The following CAV1 variants were observed in gnomAD, a reference collection of about 807,000 sequenced individuals.
CAV1 encodes the protein caveolin-1.
A neutral mutation model predicts 16.5 loss-of-function variants in CAV1; 10 were observed. The observed-to-expected ratio is 0.61, with a 90% CI of 0.37 to 1.03. The LOEUF (loss-of-function observed/expected upper bound fraction) is 1.03, where lower values mean the gene tolerates loss of function less well. Ranked by LOEUF, CAV1 falls within the 50% of genes least tolerant of loss-of-function variation. CAV1 has a pLI of 0.01. For synonymous variants in CAV1, 76 were observed against 85.1 expected (o/e 0.89, Z 0.59); for missense variants, 212 against 232.8 (o/e 0.91, Z 0.58).
intron 2 of CAV1, among the ~76,000 whole-genome samples, chr7:116,535,373 T>C (rs1793788742): frequency 6.6e-6 from 1 of 152,202 alleles, no homozygotes; most frequent in South Asian, 2.1e-4. Flanking sequence ...AACTGCACCC[T>C]AACTTAAAGA....
At chr7:116,551,215 TC>T in intron 2 of CAV1, among the ~76,000 whole-genome samples, 1 of 152,172 alleles carries the variant, frequency 6.6e-6, no homozygotes, top group Non-Finnish European at 1.5e-5. Context: ...CACCAGGTGA[TC>T]CTTTTGCTGA....
intron 2 of CAV1, among the ~76,000 whole-genome samples, chr7:116,555,439 CA>C (rs1168255721): frequency 8.2e-6 from 1 of 122,558 alleles, no homozygotes; most frequent in East Asian, 2.3e-4. Flanking sequence ...AACCTGTCTC[CA>C]AAAAAAGAAA....
chr7:116,553,855 T>A (rs1794211981), intron 2 of CAV1, among the ~76,000 whole-genome samples: 1 of 152,148 alleles, frequency 6.6e-6, no homozygotes, highest in Non-Finnish European at 1.5e-5. Context: ...GGCATCATCA[T>A]CCACTCAACA....
intron 2 of CAV1, among the ~76,000 whole-genome samples, chr7:116,535,852 C>A (rs1044962105): frequency 3.3e-5 from 5 of 152,148 alleles, no homozygotes; most frequent in African/African-American, 1.2e-4. Flanking sequence ...CTTTAACCAT[C>A]ATTAGTTGGG....
intron 2 of CAV1, among the ~76,000 whole-genome samples, chr7:116,531,261 A>G (rs534422949): frequency 6.0e-4 from 91 of 152,366 alleles, no homozygotes; most frequent in Middle Eastern, 3.4e-3. Flanking sequence ...ATGTGTTTAG[A>G]TGATTCTGTT....
intron 2 of CAV1, among the ~76,000 whole-genome samples, chr7:116,554,777 A>G (rs1208995403): frequency 6.6e-6 from 1 of 152,224 alleles, no homozygotes; most frequent in Non-Finnish European, 1.5e-5. Flanking sequence ...AAGTGGAAAC[A>G]TTAACAAGAG....
intron 2 of CAV1, among the ~76,000 whole-genome samples, chr7:116,550,831 C>G (rs1294192517): frequency 6.6e-6 from 1 of 152,056 alleles, no homozygotes; most frequent in African/African-American, 2.4e-5. Flanking sequence ...TTTCTATTGT[C>G]CATTTGTGTG....
chr7:116,558,860 A>G, intron 2 of CAV1, 86 bp from the exon 3 acceptor site: 1 of 976,382 alleles, frequency 1.0e-6, no homozygotes, highest in South Asian at 1.4e-5. Flanking sequence ...ATGCTAATAC[A>G]GTATATGTCT....
chr7:116,528,629 A>G (rs1169269000), intron 2 of CAV1, among the ~76,000 whole-genome samples: 1 of 152,100 alleles, frequency 6.6e-6, no homozygotes, highest in African/African-American at 2.4e-5. Context: ...ATTCTGCCCA[A>G]AGAGTGCCTG....
At chr7:116,546,538 A>AT (rs1056750375) in intron 2 of CAV1, among the ~76,000 whole-genome samples, 96 of 151,978 alleles carry the variant, frequency 6.3e-4, no homozygotes, top group Non-Finnish European at 1.1e-3. Flanking sequence ...AAAAATAAAA[A>AT]AAAAAAAAAT....
intron 2 of CAV1, among the ~76,000 whole-genome samples, chr7:116,533,722 CA>C (rs1397266649): frequency 1.3e-5 from 2 of 152,134 alleles, no homozygotes; most frequent in African/African-American, 4.8e-5. Flanking sequence ...ATTCCTTTAC[CA>C]AATTCTACTG....
At chr7:116,525,909 C>A in intron 1 of CAV1, 1 of 900,196 alleles carries the variant, frequency 1.1e-6, no homozygotes, top group Non-Finnish European at 1.3e-6. Context: ...CAGGGAGAGC[C>A]GTGGAGGGAC....
At chr7:116,551,819 T>A (rs1305070543) in intron 2 of CAV1, 1 of 152,306 alleles carries the variant, frequency 6.6e-6, no homozygotes, top group East Asian at 1.9e-4. Context: ...GAAAGATCCA[T>A]GTCTAAGCTC....
Position 116,526,580 on chromosome 7 carries a change from A to G in CAV1, c.86A>G (p.Asn29Ser), listed in dbSNP as rs1269711568. Residue 29 changes from asparagine (N) to serine (S), a missense_variant, in exon 2 of 3, where the codon AAC (asparagine) becomes AGC (serine). By Grantham distance (46) the Asn-to-Ser change is conservative. Coordinates refer to ENST00000341049, the MANE Select transcript of CAV1 (RefSeq NM_001753.5). The part of the protein sequence containing the change: ...REQGNIYKPN[N>S]KAMADELSEK... ...CAGGGCAACATCTACAAGCCCAACA[A>G]CAAGGCCATGGCAGACGAGCTGAGC... 2 of 1,613,962 alleles carry G rather than the reference A, an allele frequency of 1.2e-6. No individual in the cohort carries two copies. Among genetic ancestry groups the G allele is most frequent in the Non-Finnish European group, 1.7e-6 (2 of 1,180,024 alleles).
At chr7:116,532,983 A>C (rs1237634267) in intron 2 of CAV1, among the ~76,000 whole-genome samples, 1 of 152,162 alleles carries the variant, frequency 6.6e-6, no homozygotes, top group Non-Finnish European at 1.5e-5. Flanking sequence ...TATCTTCCTC[A>C]GTAGTCCACG....
intron 2 of CAV1, among the ~76,000 whole-genome samples, chr7:116,545,053 C>A (rs1794012988): frequency 6.6e-6 from 1 of 152,218 alleles, no homozygotes; most frequent in Non-Finnish European, 1.5e-5. Context: ...AATAAACAAG[C>A]ATTCTAGGCT....
intron 2 of CAV1, among the ~76,000 whole-genome samples, chr7:116,545,085 A>G (rs566425574): frequency 1.8e-4 from 27 of 152,270 alleles, no homozygotes; most frequent in African/African-American, 6.5e-4. Flanking sequence ...TCAACTTCAA[A>G]TTGTGTCTTA....
chr7:116,554,624 A>C (rs1318320764), intron 2 of CAV1, among the ~76,000 whole-genome samples: 1 of 152,162 alleles, frequency 6.6e-6, no homozygotes, highest in Non-Finnish European at 1.5e-5. Context: ...CATATCTGTC[A>C]ATTAGAGTAA....
At chr7:116,528,215 C>T (rs1793610267) in intron 2 of CAV1, among the ~76,000 whole-genome samples, 1 of 151,790 alleles carries the variant, frequency 6.6e-6, no homozygotes. Flanking sequence ...CTGGAGCAAG[C>T]GAATCTCCCG....
Sources: allele counts gnomAD v4.1 joint callset (sites outside exome capture counted in the v4.1 genomes callset), GRCh38; gene constraint gnomAD v4.1.1; transcripts MANE v1.5; gene names NCBI Gene and HGNC (gene_info 2026-07-23, HGNC 2026-07-21).